CNGA1: variants seen among roughly 807,000 people sequenced by gnomAD.
The protein encoded by CNGA1 is cyclic nucleotide gated channel subunit alpha 1, also known as cyclic nucleotide-gated channel alpha-1.
CNGA1 carries 53 observed loss-of-function variants against 69.7 expected under a neutral mutation model. The ratio of observed to expected loss-of-function variants is 0.76; its 90% CI spans 0.61 to 0.96. The LOEUF is 0.96. Among genes scored for constraint, CNGA1 ranks in the 40% least tolerant of loss-of-function variants. CNGA1 has a pLI of 0.00. For synonymous variants in CNGA1, 249 were observed against 283.5 expected (o/e 0.88, Z 1.22); for missense variants, 739 against 811.2 (o/e 0.91, Z 1.08).
rs1479965617 is a variant in CNGA1 at position 48,016,551 on chromosome 4, G to A, written c.-291C>T. 2.1e-6 allele frequency: 1 copy of A among 473,244 alleles called. No individual in the cohort carries two copies. The highest frequency in any genetic ancestry group is 3.7e-6 in the Non-Finnish European group (1 of 269,822). The allele number at this position is 473,244 out of a possible 1,614,324, so 29.3% of individuals were successfully genotyped here. A position where few individuals can be genotyped will look rare whatever the true frequency, so the allele number is the denominator to read the frequency against. On this transcript the variant is annotated 5_prime_UTR_variant, in exon 1 of 11. Transcript: ENST00000514170. ...GCGTGTCTGTGTTTCTCTAGTTCGC[G>A]GCTCCAGCAGTCGCGCCAAGGGGCA...
intron 2 of CNGA1, among the ~76,000 whole-genome samples, chr4:47,990,624 C>A (rs990973559): frequency 1.3e-5 from 2 of 152,124 alleles, no homozygotes; most frequent in Admixed American, 6.6e-5. Flanking sequence ...TGTTTGTACA[C>A]CCCCTCCCTT....
Position 47,960,223 on chromosome 4 carries a change from C to T in CNGA1, c.-14-7520G>A, listed in dbSNP as rs752552685. Among the ~76,000 whole-genome samples the T allele has an allele frequency of 5.0e-4, 76 of 152,186 alleles. 1 individual carries two copies. The highest frequency in any genetic ancestry group is 1.2e-4 in the Non-Finnish European group (8 of 68,030). On this transcript the variant is annotated intron_variant, in intron 3 of 10. Coordinates refer to ENST00000514170, the MANE Select transcript of CNGA1 (RefSeq NM_001379270.1). Reference sequence around the variant, plus strand: ...ATTAAAACCACAAGATACTTTTTCACACCTAGTACAATGGCTAAAATTTAA... The same window carrying T: ...ATTAAAACCACAAGATACTTTTTCATACCTAGTACAATGGCTAAAATTTAA...
chr4:47,964,579 T>G (rs1407182687), intron 3 of CNGA1, among the ~76,000 whole-genome samples: 2 of 152,080 alleles, frequency 1.3e-5, no homozygotes, highest in African/African-American at 4.8e-5. Flanking sequence ...TTAATTTTGG[T>G]GCAAGGTATA....
chr4:48,012,695 A>T lies in CNGA1; in HGVS notation c.-222-1802T>A, dbSNP rs551683392. Among the ~76,000 whole-genome samples, 85 of 150,598 alleles carry T rather than the reference A, an allele frequency of 5.6e-4. 1 individual carries two copies. The highest frequency in any genetic ancestry group is 1.1e-3 in the Admixed American group (17 of 15,066). On this transcript the variant is annotated intron_variant, in intron 1 of 10. Coordinates refer to ENST00000514170, the MANE Select transcript of CNGA1 (RefSeq NM_001379270.1). ...ATCAAACCCTGATCAAGTTGGATAG[A>T]GTTGATCAAACCCAATGGGAAAAAG...
chr4:47,966,880 T>C (rs567295217), intron 3 of CNGA1, among the ~76,000 whole-genome samples: 2 of 152,316 alleles, frequency 1.3e-5, no homozygotes, highest in East Asian at 3.9e-4. Context: ...TTTCAACAAA[T>C]GTAGAAATGC....
intron 3 of CNGA1, among the ~76,000 whole-genome samples, chr4:47,980,443 T>C (rs979717741): frequency 6.6e-6 from 1 of 151,254 alleles, no homozygotes; most frequent in Non-Finnish European, 1.5e-5. Context: ...TGACAGTAAT[T>C]GATAACAGTT....
intron 8 of CNGA1, among the ~76,000 whole-genome samples, chr4:47,942,461 G>A (rs1321195910): frequency 2.0e-5 from 3 of 148,202 alleles, no homozygotes; most frequent in Non-Finnish European, 4.4e-5. Flanking sequence ...TTCTCATTAA[G>A]ACCAGTCTTA....
At chr4:47,990,352 G>A (rs1742203724) in intron 2 of CNGA1, among the ~76,000 whole-genome samples, 1 of 152,102 alleles carries the variant, frequency 6.6e-6, no homozygotes, top group South Asian at 2.1e-4. Flanking sequence ...CTCTGGGAGT[G>A]TCTGTCTTAT....
intron 5 of CNGA1, among the ~76,000 whole-genome samples, 197 bp downstream of exon 5, chr4:47,951,156 C>T (rs1003295551): frequency 3.3e-5 from 5 of 151,774 alleles, no homozygotes; most frequent in Admixed American, 3.3e-4. Context: ...AGGCATTTGC[C>T]GAGCTTGCTC....
chr4:48,012,832 A>C (rs770679185), intron 1 of CNGA1: 1 of 152,128 alleles, frequency 6.6e-6, no homozygotes, highest in East Asian at 1.9e-4. Context: ...AGAAATTAAG[A>C]CCAGTTGGTC....
In CNGA1 at chr4:47,936,922, G is replaced by A. The variant is rs775781523; in HGVS notation, c.1560C>T (p.Leu520=). The change falls in exon 11 of 11, where the codon CTC becomes CTT. Residue 520 remains leucine, a synonymous_variant. Coordinates refer to ENST00000514170, the MANE Select transcript of CNGA1 (RefSeq NM_001379270.1). ...TGACTCCATCATCTGCCACCACAGCGAGTTTGCCTTCCTTGATAATGTACA... is the reference window on the plus strand; with the variant it reads ...TGACTCCATCATCTGCCACCACAGCAAGTTTGCCTTCCTTGATAATGTACA... ...REMYIIKEGK[L]AVVADDGVTQ... is the part of the protein sequence containing the mutation. The A allele has an allele frequency of 1.3e-5, 21 of 1,613,888 alleles. No individual in the cohort carries two copies. Among genetic ancestry groups the A allele is most frequent in the South Asian group, 4.4e-5 (4 of 91,072 alleles).
At chr4:47,947,355 T>C (rs1739459573) in intron 6 of CNGA1, among the ~76,000 whole-genome samples, 1 of 152,146 alleles carries the variant, frequency 6.6e-6, no homozygotes, top group Non-Finnish European at 1.5e-5. Flanking sequence ...TCAAGCAGTA[T>C]ACAGTCATCT....
chr4:47,995,906 TTATC>T (rs2110241316), intron 2 of CNGA1, among the ~76,000 whole-genome samples: 1 of 152,278 alleles, frequency 6.6e-6, no homozygotes, highest in South Asian at 2.1e-4. Context: ...GTAGTGATTA[TTATC>T]TCTCTTCTGG....
chr4:47,948,288 C>A (rs540339353), intron 6 of CNGA1, among the ~76,000 whole-genome samples: 1 of 152,128 alleles, frequency 6.6e-6, no homozygotes, highest in South Asian at 2.1e-4. Context: ...TAAGGAGGGA[C>A]TTTTTGAAAC....
rs200766377 is a variant in CNGA1, at chr4:47,937,818, G to A, written c.664C>T (p.Gln222Ter). 4 of 1,608,172 alleles carry A rather than the reference G, an allele frequency of 2.5e-6. No homozygotes were observed. In the African/African-American group the frequency reaches 5.3e-5, roughly 21 times the overall value. The change falls in exon 11 of 11, where the codon CAA (glutamine) becomes TAA (stop). Residue 222 changes from glutamine (Q) to a stop codon, truncating the protein, a stop_gained. Transcript: ENST00000514170. LOFTEE classifies it high-confidence loss of function. The part of the protein sequence containing the change: ...FVRTRTGYLE[Q>*]GLLVKEELKL... ...AGTTCTTCCTTTACCAGCAGTCCTT[G>A]TTCTAGGTAACCTAAAATAGAAAAT...
intron 2 of CNGA1, among the ~76,000 whole-genome samples, chr4:48,001,870 C>G (rs1714677353): frequency 6.6e-6 from 1 of 151,918 alleles, no homozygotes; most frequent in Non-Finnish European, 1.5e-5. Flanking sequence ...AACTGATAAC[C>G]AATAACAGAA....
Position 47,936,429 on chromosome 4 carries a change from A to C in CNGA1, c.2053T>G (p.Ser685Ala), listed in dbSNP as rs761703024. The change falls in exon 11 of 11, where the codon TCT becomes GCT. Residue 685 changes from serine (S) to alanine (A), a missense_variant. Ser to Ala is a moderately conservative substitution (Grantham distance 99). Coordinates refer to ENST00000514170, the MANE Select transcript of CNGA1 (RefSeq NM_001379270.1). ...TGACCAGCTTTTCGGTTCTATGTAG[A>C]GTCGATGGGCCCACTTTCCGCTCCA... is the stretch of plus-strand genomic sequence containing the variant. ...GPGAESGPID[S>A]T is the part of the protein sequence containing the mutation. 2.5e-6 allele frequency: 4 copies of C among 1,614,152 alleles called. No individual in the cohort carries two copies. The highest frequency in any genetic ancestry group is 3.4e-6 in the Non-Finnish European group (4 of 1,180,006).
At chr4:47,988,050 G>C (rs565258321) in intron 2 of CNGA1, among the ~76,000 whole-genome samples, 2 of 152,288 alleles carry the variant, frequency 1.3e-5, no homozygotes, top group East Asian at 3.9e-4. Context: ...GGTGAGCATG[G>C]TTCAGACCAG....
At position 47,990,770 on chromosome 4, in the gene CNGA1, C is replaced by A. The variant is rs190411424; in HGVS notation, c.-122-9270G>T. Among the ~76,000 whole-genome samples the A allele has an allele frequency of 7.2e-5, 11 of 152,258 alleles. No homozygotes were observed. In the East Asian group the frequency reaches 2.1e-3, roughly 29 times the overall value. ...GTACTCTTTTTCTTTATTTCTCAGA[C>A]CAGCCAACACTTAGGGAAAATAGAA... On this transcript the variant is annotated intron_variant, in intron 2 of 10. Coordinates refer to ENST00000514170, the MANE Select transcript of CNGA1 (RefSeq NM_001379270.1).
Sources: allele counts gnomAD v4.1 joint callset (sites outside exome capture counted in the v4.1 genomes callset), GRCh38; gene constraint gnomAD v4.1.1; transcripts MANE v1.5; gene names NCBI Gene and HGNC (gene_info 2026-07-23, HGNC 2026-07-21).